The following BAZ2B variants were observed in gnomAD, a reference collection of about 807,000 sequenced individuals.
The protein encoded by BAZ2B is bromodomain adjacent to zinc finger domain protein 2B.
BAZ2B carries 91 observed loss-of-function variants against 246.0 expected under a neutral mutation model. That is an observed-to-expected ratio of 0.37 (90% CI 0.31 to 0.44). The LOEUF (loss-of-function observed/expected upper bound fraction) is 0.44. Among genes scored for constraint, BAZ2B ranks in the 20% least tolerant of loss-of-function variants. BAZ2B has a pLI of 1.00. For missense variants in BAZ2B, 2,332 were observed against 2,533.7 expected, an observed-to-expected ratio of 0.92 and a Z score of 1.71; for synonymous variants, 855 against 860.0, an observed-to-expected ratio of 0.99 and a Z score of 0.10.
At chr2:159,525,791 A>G (rs929171024) in intron 2 of BAZ2B, among the ~76,000 whole-genome samples, 4 of 152,208 alleles carry the variant, frequency 2.6e-5, no homozygotes, top group Non-Finnish European at 5.9e-5. Context: ...ATATGTAAAA[A>G]AAATAGTGGG....
intron 3 of BAZ2B, chr2:159,460,903 C>T (rs982108620): frequency 3.9e-5 from 6 of 152,198 alleles, no homozygotes; most frequent in African/African-American, 1.4e-4. Context: ...TCTAAAAATG[C>T]TTTGAGCCAG....
Position 159,349,592 on chromosome 2 carries a change from C to T in BAZ2B, c.4863+116G>A, listed in dbSNP as rs1428991996. The T allele has an allele frequency of 8.3e-6, 10 of 1,207,726 alleles. No homozygotes were observed. In the East Asian group the frequency reaches 2.3e-4, roughly 28 times the overall value. 74.8% of individuals were successfully genotyped at this position (1,207,726 alleles called of 1,614,324 possible). A position where few individuals can be genotyped will look rare whatever the true frequency, so the allele number is the denominator to read the frequency against. On this transcript the variant is annotated intron_variant, in intron 28 of 36. Transcript: ENST00000392783. Reference sequence around the variant, plus strand: ...AGAAATTCTGACTTGTTTTAGTTTTCAAACTGTAGCAGGAATATTTTAACT... The same window carrying T: ...AGAAATTCTGACTTGTTTTAGTTTTTAAACTGTAGCAGGAATATTTTAACT...
At chr2:159,621,637 C>T in the BAZ2B span, among the ~76,000 whole-genome samples, 1 of 152,136 alleles carries the variant, frequency 6.6e-6, no homozygotes, top group Non-Finnish European at 1.5e-5. Flanking sequence ...TAGATAAAAG[C>T]TGTATCTCAA....
chr2:159,409,192 C>T (rs1045868525), intron 14 of BAZ2B, among the ~76,000 whole-genome samples: 2 of 152,090 alleles, frequency 1.3e-5, no homozygotes, highest in Non-Finnish European at 2.9e-5. Flanking sequence ...TTGGATATAA[C>T]TCATTTCTTT....
intron 3 of BAZ2B, chr2:159,458,499 G>C (rs1048759832): frequency 2.0e-5 from 3 of 151,564 alleles, no homozygotes; most frequent in African/African-American, 7.3e-5. Context: ...CTAATTTTTT[G>C]TATTTTTAGT....
chr2:159,553,158 G>C (rs1309330000), intron 2 of BAZ2B, among the ~76,000 whole-genome samples: 2 of 151,872 alleles, frequency 1.3e-5, no homozygotes, highest in African/African-American at 4.8e-5. Context: ...ACTTTGAGAG[G>C]CCAAGGCGGG....
intron 25 of BAZ2B, 79 bp from the exon 26 acceptor site, chr2:159,374,832 C>A (rs2149429608): frequency 1.6e-6 from 2 of 1,253,650 alleles, no homozygotes; most frequent in East Asian, 4.8e-5. Flanking sequence ...ATGAAAGTCT[C>A]CTATAGGCAC....
At chr2:159,555,090 A>AT (rs72324855) in intron 2 of BAZ2B, among the ~76,000 whole-genome samples, 26 of 93,808 alleles carry the variant, frequency 2.8e-4, no homozygotes, top group Admixed American at 5.3e-4. Flanking sequence ...GTGTGTGTGT[A>AT]TTTTTTTTTT....
the BAZ2B span, among the ~76,000 whole-genome samples, chr2:159,691,404 TTA>T: frequency 6.6e-6 from 1 of 152,182 alleles, no homozygotes; most frequent in African/African-American, 2.4e-5. Context: ...CACATATTTT[TTA>T]TGTTACATAC....
chr2:159,653,187 G>A, the BAZ2B span, among the ~76,000 whole-genome samples: 1 of 151,812 alleles, frequency 6.6e-6, no homozygotes, highest in African/African-American at 2.4e-5. Flanking sequence ...TGATCCACCC[G>A]CCTTGGCCTC....
the BAZ2B span, among the ~76,000 whole-genome samples, chr2:159,709,541 G>GT: frequency 1.3e-5 from 2 of 152,132 alleles, 1 homozygote; most frequent in Non-Finnish European, 2.9e-5. Flanking sequence ...TTCTATGTAT[G>GT]TAACAAAATA....
chr2:159,406,505 C>T (rs889978343), intron 14 of BAZ2B, among the ~76,000 whole-genome samples: 1 of 152,208 alleles, frequency 6.6e-6, no homozygotes, highest in Non-Finnish European at 1.5e-5. Flanking sequence ...AATATCCTTG[C>T]TTTCTTCTGC....
At chr2:159,596,489 CCAAA>C (rs1249302369) in intron 1 of BAZ2B, among the ~76,000 whole-genome samples, 5 of 152,102 alleles carry the variant, frequency 3.3e-5, no homozygotes, top group African/African-American at 4.8e-5. Flanking sequence ...AAAGAAGCTA[CCAAA>C]CATTTTATTT....
chr2:159,325,138 T>TA (rs1452256147), intron 35 of BAZ2B, among the ~76,000 whole-genome samples, 184 bp from the exon 36 acceptor site: 33 of 44,934 alleles, frequency 7.3e-4, no homozygotes, highest in African/African-American at 3.0e-3. Context: ...TATATATATA[T>TA]ATATATATAT....
intron 2 of BAZ2B, among the ~76,000 whole-genome samples, chr2:159,548,513 A>G (rs1385071258): frequency 1.5e-5 from 2 of 131,892 alleles, no homozygotes; most frequent in African/African-American, 2.4e-5. Flanking sequence ...ATGTAATGAT[A>G]TATCTTTTAA....
chr2:159,624,960 A>C, the BAZ2B span, among the ~76,000 whole-genome samples: 1 of 152,158 alleles, frequency 6.6e-6, no homozygotes, highest in African/African-American at 2.4e-5. Flanking sequence ...ACTGCTAACT[A>C]GAATAACCAG....
intron 2 of BAZ2B, among the ~76,000 whole-genome samples, chr2:159,534,377 G>A (rs2085703298): frequency 6.6e-6 from 1 of 152,194 alleles, no homozygotes; most frequent in Non-Finnish European, 1.5e-5. Context: ...AACCTGTACA[G>A]CATGATACTG....
rs372673198 is a variant in BAZ2B, at chr2:159,438,488, T to A, written c.1108A>T (p.Lys370Ter). ...SSQAKEESVN[K>*]HTSVIQSTGL... Reference sequence around the variant, plus strand: ...GTAGACTGTATTACACTGGTGTGTTTGTTCACAGATTCCTCCTTTGCCTGA... The same window carrying A: ...GTAGACTGTATTACACTGGTGTGTTAGTTCACAGATTCCTCCTTTGCCTGA... Residue 370 changes from lysine to a stop codon, truncating the protein, a stop_gained, in exon 8 of 37, where the codon AAA (lysine) becomes TAA (stop). Transcript: ENST00000392783. LOFTEE classifies it high-confidence loss of function. The A allele has an allele frequency of 6.2e-7, 1 of 1,614,078 alleles. No homozygotes were observed. Among genetic ancestry groups the A allele is most frequent in the African/African-American group, 1.3e-5 (1 of 74,938 alleles).
chr2:159,668,564 A>T, the BAZ2B span, among the ~76,000 whole-genome samples: 4 of 152,178 alleles, frequency 2.6e-5, no homozygotes, highest in East Asian at 7.7e-4. Context: ...TATCTCAATC[A>T]TGTAGGTAGG....
Sources: allele counts gnomAD v4.1 joint callset (sites outside exome capture counted in the v4.1 genomes callset), GRCh38; gene constraint gnomAD v4.1.1; transcripts MANE v1.5; gene names NCBI Gene and HGNC (gene_info 2026-07-23, HGNC 2026-07-21).